SPATA17: variants seen among roughly 807,000 people sequenced by gnomAD.
SPATA17 encodes the protein spermatogenesis associated 17, also known as spermatogenesis-associated protein 17.
In SPATA17, 53 loss-of-function variants were observed where a neutral mutation model predicts 62.2. The ratio of observed to expected loss-of-function variants is 0.85; its 90% confidence interval spans 0.68 to 1.07. The LOEUF (loss-of-function observed/expected upper bound fraction) is 1.07, where lower values mean the gene tolerates loss of function less well. SPATA17 is among the 50% of genes least tolerant of loss of function. The probability of loss-of-function intolerance (pLI) is 0.00; values close to 1 mark genes in which losing one functional copy is unlikely to be tolerated. For synonymous variants in SPATA17, 146 were observed against 146.8 expected, an observed-to-expected ratio of 0.99 and a Z score of 0.04; for missense variants, 466 against 425.5, an observed-to-expected ratio of 1.10 and a Z score of -0.84.
chr1:217,789,432 A>G lies in SPATA17; in HGVS notation c.872+7110A>G, dbSNP rs1052980943. ...ATGGGGTCCATTCACCCACCACAGT[A>G]AAACTCAGAGGTTTTTGCAGTGACA... On this transcript the variant is annotated intron_variant, in intron 8 of 10. Transcript: ENST00000366933. 4.6e-5 allele frequency among the ~76,000 whole-genome samples: 7 copies of G among 152,216 alleles called. No homozygotes were observed. The South Asian group carries it at 1.4e-3, about 32-fold the overall frequency.
intron 5 of SPATA17, among the ~76,000 whole-genome samples, chr1:217,688,341 C>G (rs950390571): frequency 6.6e-6 from 1 of 152,144 alleles, no homozygotes; most frequent in African/African-American, 2.4e-5. Flanking sequence ...ACCAAAACAC[C>G]TACTCTTTAA....
intron 5 of SPATA17, among the ~76,000 whole-genome samples, chr1:217,722,817 G>T (rs1672169040): frequency 6.6e-6 from 1 of 152,000 alleles, no homozygotes; most frequent in Non-Finnish European, 1.5e-5. Flanking sequence ...TTGATCTTTG[G>T]TCTGCAAGGT....
At chr1:217,838,775 T>C (rs1405472353) in intron 9 of SPATA17, among the ~76,000 whole-genome samples, 1 of 152,078 alleles carries the variant, frequency 6.6e-6, no homozygotes, top group East Asian at 1.9e-4. Context: ...AAGATTATAG[T>C]TCTATATTTC....
At chr1:217,720,343 C>A (rs1360572795) in intron 5 of SPATA17, among the ~76,000 whole-genome samples, 1 of 152,202 alleles carries the variant, frequency 6.6e-6, no homozygotes, top group East Asian at 1.9e-4. Context: ...CATTCCAACA[C>A]TGCAACTTAA....
At chr1:217,841,113 T>A (rs1240668585) in intron 9 of SPATA17, among the ~76,000 whole-genome samples, 4 of 151,940 alleles carry the variant, frequency 2.6e-5, no homozygotes, top group Non-Finnish European at 5.9e-5. Flanking sequence ...GGTAAAATGT[T>A]TCACTTAACC....
intron 5 of SPATA17, among the ~76,000 whole-genome samples, chr1:217,716,668 G>A (rs190530759): frequency 2.6e-5 from 4 of 152,262 alleles, no homozygotes; most frequent in Non-Finnish European, 5.9e-5. Context: ...CTATATGTAG[G>A]TATAGGATAC....
intron 9 of SPATA17, among the ~76,000 whole-genome samples, chr1:217,838,448 T>C (rs1463150210): frequency 6.6e-6 from 1 of 152,094 alleles, no homozygotes; most frequent in Admixed American, 6.6e-5. Flanking sequence ...GTTCGCTCAT[T>C]ATAGGTCCAT....
rs1279935780 is a variant in SPATA17 at position 217,700,756 on chromosome 1, C to CTT, written c.395+17399_395+17400dup. The stretch of plus-strand genomic sequence containing the variant: ...CATGCGCCGCCATGGCTAATTTTTT[C>CTT]TTTTTCTTTTTTTTTTTTTTTGTAT... On this transcript the variant is annotated intron_variant, in intron 5 of 10. Coordinates refer to ENST00000366933, the MANE Select transcript of SPATA17 (RefSeq NM_138796.4). Among the ~76,000 whole-genome samples, 40 of 90,832 alleles carry CTT rather than the reference C, an allele frequency of 4.4e-4. 1 individual carries two copies. The highest frequency in any genetic ancestry group is 1.4e-3 in the South Asian group (5 of 3,474). 59.6% of individuals were successfully genotyped at this position (90,832 alleles called of 152,430 possible).
intron 5 of SPATA17, among the ~76,000 whole-genome samples, chr1:217,707,932 A>C (rs1336127779): frequency 6.6e-6 from 1 of 152,232 alleles, no homozygotes; most frequent in Admixed American, 6.5e-5. Flanking sequence ...CATGGGAATT[A>C]AACAACTTGC....
At chr1:217,676,160 A>G (rs1443070920) in intron 4 of SPATA17, among the ~76,000 whole-genome samples, 1 of 152,100 alleles carries the variant, frequency 6.6e-6, no homozygotes, top group Non-Finnish European at 1.5e-5. Context: ...CATGACGAAA[A>G]ACCTCACCAT....
intron 8 of SPATA17, among the ~76,000 whole-genome samples, chr1:217,791,083 A>G (rs897010948): frequency 2.0e-5 from 3 of 152,324 alleles, no homozygotes; most frequent in Admixed American, 6.5e-5. Context: ...TAACTCTTCC[A>G]TTTATTTTAA....
intron 3 of SPATA17, among the ~76,000 whole-genome samples, chr1:217,666,368 ATATTTT>A (rs1293068778): frequency 1.3e-5 from 2 of 152,278 alleles, no homozygotes; most frequent in Non-Finnish European, 1.5e-5. Flanking sequence ...TCTATGAGTT[ATATTTT>A]AAGTGTTCAA....
intron 6 of SPATA17, among the ~76,000 whole-genome samples, chr1:217,746,844 T>G (rs1672768661): frequency 6.6e-6 from 1 of 152,022 alleles, no homozygotes; most frequent in African/African-American, 2.4e-5. Flanking sequence ...AAAGTTCAAG[T>G]CATATTAAAA....
intron 2 of SPATA17, among the ~76,000 whole-genome samples, chr1:217,649,482 A>G (rs1173893981): frequency 6.6e-6 from 1 of 152,200 alleles, no homozygotes; most frequent in Non-Finnish European, 1.5e-5. Flanking sequence ...CTGCCTCAAA[A>G]AAATAAAATA....
chr1:217,637,188 T>C (rs941151456), intron 1 of SPATA17, among the ~76,000 whole-genome samples: 12 of 152,184 alleles, frequency 7.9e-5, no homozygotes, highest in African/African-American at 2.9e-4. Context: ...TTCACAAACA[T>C]TATTTTATTT....
At chr1:217,701,946 C>T (rs1230991898) in intron 5 of SPATA17, among the ~76,000 whole-genome samples, 1 of 151,494 alleles carries the variant, frequency 6.6e-6, no homozygotes, top group Non-Finnish European at 1.5e-5. Flanking sequence ...GTTCTATCAT[C>T]CTTTTCTTTT....
intron 5 of SPATA17, among the ~76,000 whole-genome samples, chr1:217,707,850 C>T (rs1671770501): frequency 6.6e-6 from 1 of 152,146 alleles, no homozygotes; most frequent in South Asian, 2.1e-4. Context: ...ATCCTGCTAA[C>T]CACACTTTCA....
At chr1:217,757,695 G>A (rs539541394) in intron 6 of SPATA17, among the ~76,000 whole-genome samples, 54 of 152,108 alleles carry the variant, frequency 3.6e-4, no homozygotes, top group Non-Finnish European at 1.6e-4. Flanking sequence ...GTACATGTTC[G>A]TCAGAGCTAC....
intron 9 of SPATA17, among the ~76,000 whole-genome samples, chr1:217,851,059 T>C (rs1234674742): frequency 1.3e-5 from 2 of 152,168 alleles, no homozygotes; most frequent in South Asian, 2.1e-4. Flanking sequence ...ACTTAATAAA[T>C]ATTTGCTGAA....
Sources: gnomAD v4.1 joint callset for allele counts (sites outside exome capture counted in the v4.1 genomes callset) on GRCh38, gnomAD v4.1.1 for gene constraint, MANE v1.5 for transcripts, NCBI Gene and HGNC (gene_info 2026-07-23, HGNC 2026-07-21) for gene names.